Variants in KIAA1217 observed in about 807,000 individuals in gnomAD.
KIAA1217 encodes KIAA1217, also known as sickle tail protein homolog.
In KIAA1217, 88 loss-of-function variants were observed where a neutral mutation model predicts 163.9. The ratio of observed to expected loss-of-function variants is 0.54; its 90% CI spans 0.45 to 0.64. KIAA1217 has a LOEUF of 0.64. Ranked by LOEUF, KIAA1217 falls within the 30% of genes least tolerant of loss-of-function variation. KIAA1217 has a pLI of 0.00. For synonymous variants in KIAA1217, 903 were observed against 923.1 expected (o/e 0.98, Z 0.39); for missense variants, 2,372 against 2,475.0 (o/e 0.96, Z 0.88).
At chr10:23,738,385 G>A (rs966054164) in intron 1 of KIAA1217, among the ~76,000 whole-genome samples, 13 of 151,942 alleles carry the variant, frequency 8.6e-5, no homozygotes, top group African/African-American at 2.2e-4. Flanking sequence ...CGAAGGTTTG[G>A]CATTTAAATA....
At chr10:24,202,856 A>G (rs1464644792) in intron 2 of KIAA1217, among the ~76,000 whole-genome samples, 1 of 152,170 alleles carries the variant, frequency 6.6e-6, no homozygotes, top group African/African-American at 2.4e-5. Flanking sequence ...AAATAATACC[A>G]GACCCAATTC....
intron 1 of KIAA1217, among the ~76,000 whole-genome samples, chr10:23,781,730 T>C (rs1835268264): frequency 6.6e-6 from 1 of 152,210 alleles, no homozygotes; most frequent in African/African-American, 2.4e-5. Context: ...TTGATTCATT[T>C]TGAGTTGCTT....
rs954035908 is a variant in KIAA1217 at position 24,014,607 on chromosome 10, G to A, written c.-171+7233G>A. On this transcript the variant is annotated intron_variant, in intron 2 of 18. Coordinates refer to the KIAA1217 transcript ENST00000376462. ...TGGACATGATAAATTGTACCATTTT[G>A]CCAGTTAATGATATATTAGATCAAT... Among the ~76,000 whole-genome samples, 16 of 152,226 alleles carry A rather than the reference G, an allele frequency of 1.1e-4. No individual in the cohort carries two copies. The Middle Eastern group carries it at 0.01, about 97-fold the overall frequency.
chr10:24,135,321 T>C (rs538962718), intron 2 of KIAA1217, among the ~76,000 whole-genome samples: 1 of 151,942 alleles, frequency 6.6e-6, no homozygotes, highest in South Asian at 2.1e-4. Context: ...TGAGTGGAAG[T>C]TGGGGGAAGA....
chr10:24,110,997 G>A (rs1005845323), intron 2 of KIAA1217, among the ~76,000 whole-genome samples: 14 of 151,994 alleles, frequency 9.2e-5, no homozygotes, highest in Non-Finnish European at 1.5e-4. Flanking sequence ...GCTACAGAGG[G>A]CATTGTATTA....
At chr10:24,448,088 C>A (rs1041225380) in intron 5 of KIAA1217, among the ~76,000 whole-genome samples, 1 of 152,052 alleles carries the variant, frequency 6.6e-6, no homozygotes, top group East Asian at 1.9e-4. Context: ...CAAGATCACA[C>A]CACTGTACTC....
At chr10:23,864,382 A>G (rs1001072581) in intron 1 of KIAA1217, among the ~76,000 whole-genome samples, 3 of 151,918 alleles carry the variant, frequency 2.0e-5, no homozygotes, top group Non-Finnish European at 2.9e-5. Flanking sequence ...TCTTCTCTCA[A>G]TTGATCCCTG....
At chr10:24,545,714 T>C in intron 20 of KIAA1217, 113 bp from the exon 21 acceptor site, 1 of 1,505,340 alleles carries the variant, frequency 6.6e-7, no homozygotes. Flanking sequence ...GAACTGTGTT[T>C]GGTTGGTTTT....
intron 1 of KIAA1217, among the ~76,000 whole-genome samples, chr10:23,854,286 A>C (rs1255974562): frequency 6.6e-6 from 1 of 152,206 alleles, no homozygotes; most frequent in African/African-American, 2.4e-5. Context: ...GTAGTCATTC[A>C]GGAGCAGGTT....
intron 14 of KIAA1217, among the ~76,000 whole-genome samples, chr10:24,531,224 A>T (rs1247744686): frequency 6.6e-6 from 1 of 152,102 alleles, no homozygotes; most frequent in Non-Finnish European, 1.5e-5. Flanking sequence ...AAATTAAAAA[A>T]TTTGTTTAAT....
chr10:23,768,134 A>G (rs1834624624), intron 1 of KIAA1217, among the ~76,000 whole-genome samples: 1 of 152,236 alleles, frequency 6.6e-6, no homozygotes, highest in Admixed American at 6.5e-5. Flanking sequence ...CTTAAAATGT[A>G]GCCCAATGAA....
intron 2 of KIAA1217, among the ~76,000 whole-genome samples, chr10:24,104,240 A>G (rs918907956): frequency 7.9e-5 from 12 of 152,224 alleles, no homozygotes; most frequent in African/African-American, 2.9e-4. Flanking sequence ...TTTATTCATG[A>G]TTGTCAAAAC....
intron 2 of KIAA1217, among the ~76,000 whole-genome samples, chr10:24,305,377 G>A (rs1201188303): frequency 2.0e-5 from 3 of 152,174 alleles, no homozygotes; most frequent in Non-Finnish European, 2.9e-5. Context: ...TTATATTTGG[G>A]AAAGGGGAAC....
At chr10:24,370,724 A>G (rs989881841) in intron 2 of KIAA1217, among the ~76,000 whole-genome samples, 1 of 152,160 alleles carries the variant, frequency 6.6e-6, no homozygotes, top group African/African-American at 2.4e-5. Flanking sequence ...CTGGGACTAC[A>G]GGTGTGCACC....
intron 10 of KIAA1217, 76 bp downstream of exon 10, chr10:24,513,510 C>T: frequency 6.9e-7 from 1 of 1,444,122 alleles, no homozygotes; most frequent in East Asian, 2.3e-5. Flanking sequence ...GGAGGTCCTT[C>T]CCAGTTGGTG....
chr10:24,248,330 G>A (rs945787696), intron 2 of KIAA1217, among the ~76,000 whole-genome samples: 2 of 152,058 alleles, frequency 1.3e-5, no homozygotes, highest in Admixed American at 1.3e-4. Flanking sequence ...GTAGGTCAGG[G>A]CATCTTTTGA....
intron 2 of KIAA1217, among the ~76,000 whole-genome samples, chr10:24,061,080 T>G (rs1734639022): frequency 6.6e-6 from 1 of 152,200 alleles, no homozygotes; most frequent in Admixed American, 6.5e-5. Context: ...TTTTCCTCTC[T>G]TACTGTCTTT....
chr10:23,757,668 C>T (rs929387339), intron 1 of KIAA1217, among the ~76,000 whole-genome samples: 5 of 152,058 alleles, frequency 3.3e-5, no homozygotes, highest in Non-Finnish European at 7.4e-5. Context: ...CAGGTGCATG[C>T]CACCACACCT....
At chr10:24,052,252 T>A (rs1428266044) in intron 2 of KIAA1217, among the ~76,000 whole-genome samples, 4 of 152,206 alleles carry the variant, frequency 2.6e-5, no homozygotes, top group Non-Finnish European at 5.9e-5. Context: ...TCTCTTATTA[T>A]GTTTATAAGA....
Sources: gnomAD v4.1 joint callset for allele counts (sites outside exome capture counted in the v4.1 genomes callset) on GRCh38, gnomAD v4.1.1 for gene constraint, MANE v1.5 for transcripts, NCBI Gene and HGNC (gene_info 2026-07-23, HGNC 2026-07-21) for gene names.